SLIT3: variants seen among roughly 807,000 people sequenced by gnomAD.
The protein encoded by SLIT3 is slit homolog 3 protein.
Under a neutral mutation model 184.0 loss-of-function variants are expected in SLIT3, and 68 were observed. That is an observed-to-expected ratio of 0.37 (90% CI 0.30 to 0.45). The LOEUF (loss-of-function observed/expected upper bound fraction) is 0.45. Ranked by LOEUF, SLIT3 falls within the 20% of genes least tolerant of loss-of-function variation. SLIT3 has a pLI of 1.00. For synonymous variants in SLIT3, 831 were observed against 828.6 expected, an observed-to-expected ratio of 1.00 and a Z score of -0.05; for missense variants, 1,707 against 2,026.0, an observed-to-expected ratio of 0.84 and a Z score of 3.02.
At chr5:168,701,605 C>T (rs113783454) in intron 26 of SLIT3, among the ~76,000 whole-genome samples, 3 of 152,360 alleles carry the variant, frequency 2.0e-5, no homozygotes, top group East Asian at 1.9e-4. Context: ...ATGAGACCCA[C>T]TGTCCCAGGG....
At chr5:168,979,281 C>A (rs1754871526) in intron 4 of SLIT3, among the ~76,000 whole-genome samples, 1 of 152,174 alleles carries the variant, frequency 6.6e-6, no homozygotes, top group Non-Finnish European at 1.5e-5. Flanking sequence ...TGTGTTGGGG[C>A]CCGAAGAGGA....
chr5:169,153,010 A>G lies in SLIT3; in HGVS notation c.413+40469T>C, dbSNP rs191790819. Among the ~76,000 whole-genome samples, 192 of 152,328 alleles carry G rather than the reference A, an allele frequency of 1.3e-3. 1 individual carries two copies. Among genetic ancestry groups the G allele is most frequent in the African/African-American group, 4.5e-3 (187 of 41,556 alleles). ...CCCTTTTTCAGGTTAAAAGCATTCT[A>G]AAAATACCTTCAGAAGGCTCTGAAT... On this transcript the variant is annotated intron_variant, in intron 4 of 35. Transcript: ENST00000519560.
intron 4 of SLIT3, among the ~76,000 whole-genome samples, chr5:169,111,611 G>T (rs62376875): frequency 5.3e-4 from 80 of 152,238 alleles, no homozygotes; most frequent in Non-Finnish European, 1.0e-3. Flanking sequence ...AATTAGCAGG[G>T]CATGGTGGCA....
At chr5:169,188,201 C>T (rs1018121266) in intron 4 of SLIT3, among the ~76,000 whole-genome samples, 7 of 152,168 alleles carry the variant, frequency 4.6e-5, no homozygotes, top group Non-Finnish European at 7.4e-5. Flanking sequence ...TCAGGCAATC[C>T]GACTGCCTTG....
intron 4 of SLIT3, among the ~76,000 whole-genome samples, chr5:169,088,813 A>G (rs1759434101): frequency 6.6e-6 from 1 of 152,014 alleles, no homozygotes; most frequent in Non-Finnish European, 1.5e-5. Context: ...TGAGGCCAGG[A>G]GTTCAAGACC....
chr5:168,905,245 T>G (rs1761009788), intron 4 of SLIT3, among the ~76,000 whole-genome samples: 1 of 152,264 alleles, frequency 6.6e-6, no homozygotes, highest in East Asian at 1.9e-4. Flanking sequence ...TGAAGCACCA[T>G]AAGAGCATAA....
intron 4 of SLIT3, among the ~76,000 whole-genome samples, chr5:169,149,673 G>A (rs1016203846): frequency 6.6e-6 from 1 of 152,156 alleles, no homozygotes; most frequent in Non-Finnish European, 1.5e-5. Flanking sequence ...ACGTAAAATG[G>A]TTTTTAAAAT....
At chr5:168,937,599 G>A (rs918177658) in intron 4 of SLIT3, among the ~76,000 whole-genome samples, 1 of 152,116 alleles carries the variant, frequency 6.6e-6, no homozygotes, top group Non-Finnish European at 1.5e-5. Context: ...GCGGCGGAAC[G>A]GGAGGCCTGG....
In SLIT3 at chr5:168,687,188, C is replaced by G. The variant is rs530219163; in HGVS notation, c.3177-72G>C. ...TTGCAGGCAGTCACTCTCCAGCCCC[C>G]CTCAGCAGGTGGCCTCTCCCCATCT... On this transcript the variant is annotated intron_variant, in intron 29 of 35. Transcript: ENST00000519560. The G allele has an allele frequency of 1.1e-5, 18 of 1,569,104 alleles. No homozygotes were observed. In the South Asian group the frequency reaches 1.6e-4, roughly 14 times the overall value.
intron 23 of SLIT3, among the ~76,000 whole-genome samples, chr5:168,717,277 C>T (rs1246967786): frequency 7.1e-6 from 1 of 140,670 alleles, no homozygotes; most frequent in Non-Finnish European, 1.5e-5. Context: ...AGCGGTATAT[C>T]CTTCACAAGG....
intron 23 of SLIT3, among the ~76,000 whole-genome samples, chr5:168,713,579 G>C (rs1299951957): frequency 6.6e-6 from 1 of 152,210 alleles, no homozygotes; most frequent in Non-Finnish European, 1.5e-5. Context: ...CTTTATTGCA[G>C]GCAGTGAGTC....
intron 1 of SLIT3, among the ~76,000 whole-genome samples, chr5:169,253,152 A>T (rs564861685): frequency 6.6e-6 from 1 of 152,168 alleles, no homozygotes; most frequent in African/African-American, 2.4e-5. Context: ...GGGATGGGAA[A>T]CCTGCAGACA....
chr5:168,667,810 A>T (rs542424387), intron 35 of SLIT3: 10 of 152,340 alleles, frequency 6.6e-5, no homozygotes, highest in African/African-American at 2.4e-4. Context: ...CTTTAAAATT[A>T]TGAGATTGTT....
At chr5:169,266,733 T>C (rs769452260) in intron 1 of SLIT3, among the ~76,000 whole-genome samples, 2 of 152,194 alleles carry the variant, frequency 1.3e-5, no homozygotes, top group Non-Finnish European at 2.9e-5. Context: ...TGCTAACTGA[T>C]ACACCTAGCA....
intron 4 of SLIT3, among the ~76,000 whole-genome samples, chr5:169,035,030 C>T (rs1334020032): frequency 6.6e-6 from 1 of 151,736 alleles, no homozygotes; most frequent in Non-Finnish European, 1.5e-5. Context: ...GATCTGCCCA[C>T]CTTGGCCTCC....
chr5:169,188,284 G>C lies in SLIT3; in HGVS notation c.413+5195C>G, dbSNP rs544352979. On this transcript the variant is annotated intron_variant, in intron 4 of 35. Coordinates refer to ENST00000519560, the MANE Select transcript of SLIT3 (RefSeq NM_003062.4). The stretch of plus-strand genomic sequence containing the variant: ...ACGCAGAGGATTTTAATCACTGTCT[G>C]CATCTTGCCTTCTGCTCCTTCTAAA... Among the ~76,000 whole-genome samples the C allele has an allele frequency of 3.3e-5, 5 of 152,316 alleles. No homozygotes were observed. The South Asian group carries it at 1.0e-3, about 32-fold the overall frequency.
At chr5:168,693,631 T>C (rs1761970560) in intron 28 of SLIT3, among the ~76,000 whole-genome samples, 1 of 152,134 alleles carries the variant, frequency 6.6e-6, no homozygotes, top group African/African-American at 2.4e-5. Context: ...GGGAAAGGTC[T>C]AACCATGAAC....
intron 4 of SLIT3, chr5:169,024,713 C>T (rs2113502308): frequency 6.6e-6 from 1 of 152,338 alleles, no homozygotes; most frequent in East Asian, 1.9e-4. Context: ...ACACGCACCA[C>T]ATCCTCCAGA....
chr5:169,102,451 T>C (rs1193045224), intron 4 of SLIT3, among the ~76,000 whole-genome samples: 1 of 152,216 alleles, frequency 6.6e-6, no homozygotes, highest in Non-Finnish European at 1.5e-5. Flanking sequence ...TATTTGCATA[T>C]AACCACTGCA....
Sources: gnomAD v4.1 joint callset for allele counts (sites outside exome capture counted in the v4.1 genomes callset) on GRCh38, gnomAD v4.1.1 for gene constraint, MANE v1.5 for transcripts, NCBI Gene and HGNC (gene_info 2026-07-23, HGNC 2026-07-21) for gene names.